The following GPC3 variants were observed in gnomAD, a reference collection of about 807,000 sequenced individuals.
The protein encoded by GPC3 is glypican 3, also known as glypican-3.
Under a neutral mutation model 34.4 loss-of-function variants are expected in GPC3, and 3 were observed. That is an observed-to-expected ratio of 0.09 (90% CI 0.04 to 0.23). GPC3 has a LOEUF of 0.23. Ranked by LOEUF, GPC3 falls within the 10% of genes least tolerant of loss-of-function variation. The probability of loss-of-function intolerance (pLI) is 1.00; values close to 1 mark genes in which losing one functional copy is unlikely to be tolerated. For missense variants in GPC3, 351 were observed against 445.6 expected (o/e 0.79, Z 1.91); for synonymous variants, 177 against 174.0 (o/e 1.02, Z -0.13).
intron 6 of GPC3, among the ~76,000 whole-genome samples, chrX:133,661,357 T>C (rs1277882001): frequency 9.0e-6 from 1 of 111,482 alleles, no homozygotes; most frequent in Non-Finnish European, 1.9e-5. Context: ...TGAAAACAGT[T>C]GGGATAAAAT....
At chrX:133,671,302 A>G in intron 5 of GPC3, 2 of 830,560 alleles carry the variant, frequency 2.4e-6, no homozygotes, top group Non-Finnish European at 3.6e-6. Context: ...CAAGAAAGCA[A>G]CGAAAGGAAT....
At chrX:133,946,780 G>A (rs2076370982) in intron 2 of GPC3, among the ~76,000 whole-genome samples, 1 of 111,167 alleles carries the variant, frequency 9.0e-6, no homozygotes, top group Admixed American at 9.5e-5. Flanking sequence ...TGAGACAACT[G>A]AGACCGATGG....
intron 2 of GPC3, among the ~76,000 whole-genome samples, chrX:133,888,208 A>G (rs1407930269): frequency 2.7e-5 from 3 of 110,916 alleles, no homozygotes; most frequent in African/African-American, 9.9e-5. Context: ...TTTGCTGAGA[A>G]TGATGGTTTC....
At chrX:133,863,742 G>A (rs991473853) in intron 2 of GPC3, among the ~76,000 whole-genome samples, 9 of 95,640 alleles carry the variant, frequency 9.4e-5, no homozygotes, top group African/African-American at 3.4e-4. Context: ...TGCAAGCTCC[G>A]CTTCCCGGGT....
intron 7 of GPC3, among the ~76,000 whole-genome samples, chrX:133,562,245 A>C (rs1319746382): frequency 1.8e-5 from 2 of 111,778 alleles, no homozygotes. Flanking sequence ...TTTTCCAAGC[A>C]GCATTAAAGT....
At chrX:133,812,452 A>T (rs13440580) in intron 2 of GPC3, among the ~76,000 whole-genome samples, 5,143 of 112,050 alleles carry the variant, frequency 0.046, 304 homozygotes, top group African/African-American at 0.16. Flanking sequence ...CATAAGCCCT[A>T]TAGAAAACTG....
At chrX:133,779,742 T>TA (rs202015839) in intron 2 of GPC3, among the ~76,000 whole-genome samples, 3,691 of 106,026 alleles carry the variant, frequency 0.035, 170 homozygotes, top group African/African-American at 0.12. Flanking sequence ...TCACTGAAAT[T>TA]AAAAAAAAAA....
chrX:133,923,916 G>A (rs892419576), intron 2 of GPC3, among the ~76,000 whole-genome samples: 6 of 111,781 alleles, frequency 5.4e-5, no homozygotes, highest in Non-Finnish European at 7.5e-5. Flanking sequence ...TGCCAGGTAC[G>A]TGAGGAAATG....
chrX:133,713,186 GA>G (rs888119725), intron 3 of GPC3, among the ~76,000 whole-genome samples: 1 of 111,190 alleles, frequency 9.0e-6, no homozygotes, highest in East Asian at 2.8e-4. Flanking sequence ...AAAGCTTTGG[GA>G]AAAAAAACCA....
chrX:133,858,326 C>A (rs1387423361), intron 2 of GPC3, among the ~76,000 whole-genome samples: 3 of 112,141 alleles, frequency 2.7e-5, no homozygotes, highest in Non-Finnish European at 5.6e-5. Flanking sequence ...CTGGGCCATC[C>A]AGCTAGAAAA....
chrX:133,566,326 T>C (rs914382171), intron 7 of GPC3, among the ~76,000 whole-genome samples: 2 of 111,874 alleles, frequency 1.8e-5, no homozygotes, highest in South Asian at 3.8e-4. Context: ...GATTCAGACA[T>C]GCAGCTCAGG....
At chrX:133,766,918 A>G (rs183117877) in intron 2 of GPC3, among the ~76,000 whole-genome samples, 10 of 112,445 alleles carry the variant, frequency 8.9e-5, no homozygotes, top group African/African-American at 3.2e-4. Context: ...TATGTGAATT[A>G]ATTTATGTAA....
chrX:133,899,972 T>G (rs962223270), intron 2 of GPC3, among the ~76,000 whole-genome samples: 1 of 111,105 alleles, frequency 9.0e-6, no homozygotes, highest in Non-Finnish European at 1.9e-5. Context: ...CTGGCTAATT[T>G]TTGTCTTTTT....
intron 1 of GPC3, among the ~76,000 whole-genome samples, chrX:133,980,981 A>G (rs755399057): frequency 1.8e-5 from 2 of 112,823 alleles, no homozygotes; most frequent in Admixed American, 9.3e-5. Flanking sequence ...TAAGAAAAAA[A>G]CACATTGCAA....
chrX:133,722,200 T>C (rs1727310243), intron 3 of GPC3, among the ~76,000 whole-genome samples: 1 of 111,910 alleles, frequency 8.9e-6, no homozygotes, highest in African/African-American at 3.2e-5. Context: ...CAAAGTTTGT[T>C]ACTATTCACC....
intron 2 of GPC3, among the ~76,000 whole-genome samples, chrX:133,952,441 G>A (rs892353797): frequency 1.2e-4 from 13 of 112,200 alleles, no homozygotes; most frequent in African/African-American, 4.2e-4. Context: ...TAGAATTGAA[G>A]GAGGTACTCC....
At position 133,753,511 on chromosome X, in the gene GPC3, G is replaced by T; in HGVS notation, c.1003C>A (p.Gln335Lys). 1 of 1,209,107 alleles carries T rather than the reference G, an allele frequency of 8.3e-7. No homozygotes were observed. Among genetic ancestry groups the T allele is most frequent in the South Asian group, 1.8e-5 (1 of 56,910 alleles). Residue 335 changes from glutamine (Q) to lysine (K), a missense_variant, in exon 3 of 8, where the codon CAG becomes AAG. By Grantham distance (53) the Gln-to-Lys change is moderately conservative (BLOSUM62 1). Transcript: ENST00000370818. Reference sequence around the variant, plus strand: ...GTGGTCAGCTTTCCTGCATTCTTCTGGACATACTGGATAGAATCATGGATT... The same window carrying T: ...GTGGTCAGCTTTCCTGCATTCTTCTTGACATACTGGATAGAATCATGGATT... ...STIHDSIQYV[Q>K]KNAGKLTTTI...
chrX:133,784,461 T>C (rs1271036228), intron 2 of GPC3, among the ~76,000 whole-genome samples: 1 of 111,217 alleles, frequency 9.0e-6, no homozygotes. Context: ...TAGGAGCCCA[T>C]ACTGACCAGC....
intron 2 of GPC3, among the ~76,000 whole-genome samples, chrX:133,769,279 G>T (rs971940458): frequency 8.0e-5 from 9 of 112,085 alleles, no homozygotes; most frequent in African/African-American, 2.9e-4. Context: ...CAAAGTTTCA[G>T]TTACACAAGA....
Sources: allele counts gnomAD v4.1 joint callset (sites outside exome capture counted in the v4.1 genomes callset), GRCh38; gene constraint gnomAD v4.1.1; transcripts MANE v1.5; gene names NCBI Gene and HGNC (gene_info 2026-07-23, HGNC 2026-07-21).